Variants in EVI5 observed in about 807,000 individuals in gnomAD.
EVI5 encodes ecotropic viral integration site 5 protein homolog.
EVI5 carries 73 observed loss-of-function variants against 112.0 expected under a neutral mutation model. That is an observed-to-expected ratio of 0.65 (90% confidence interval 0.54 to 0.79). EVI5 has a LOEUF of 0.79. EVI5 is among the 30% of genes least tolerant of loss of function. The pLI is 0.00. For synonymous variants in EVI5, 305 were observed against 319.9 expected (o/e 0.95, Z 0.50); for missense variants, 900 against 968.8 (o/e 0.93, Z 0.94).
intron 1 of EVI5, among the ~76,000 whole-genome samples, chr1:92,779,852 GGA>G (rs1483762089): frequency 6.6e-6 from 1 of 152,166 alleles, no homozygotes; most frequent in Non-Finnish European, 1.5e-5. Context: ...TAGGGTCAGT[GGA>G]GAGGCATGGG....
chr1:92,569,852 CAAAAAAAAAAAAAA>C (rs1184172805), intron 18 of EVI5, among the ~76,000 whole-genome samples: 1 of 39,504 alleles, frequency 2.5e-5, no homozygotes, highest in Non-Finnish European at 4.6e-5. Context: ...GACTCCATCT[CAAAAAAAAAAAAAA>C]AAAAAAAAAA....
At chr1:92,621,003 T>A (rs1354082581) in intron 16 of EVI5, among the ~76,000 whole-genome samples, 1 of 152,038 alleles carries the variant, frequency 6.6e-6, no homozygotes, top group Non-Finnish European at 1.5e-5. Context: ...GTATAGTTAT[T>A]TATTCATTTA....
At chr1:92,753,068 G>A (rs1438375979) in intron 1 of EVI5, among the ~76,000 whole-genome samples, 1 of 151,068 alleles carries the variant, frequency 6.6e-6, no homozygotes, top group Non-Finnish European at 1.5e-5. Context: ...CCTTTCTGAG[G>A]AGGCAACGTT....
chr1:92,752,277 C>A (rs1291050530), intron 1 of EVI5, among the ~76,000 whole-genome samples: 1 of 152,012 alleles, frequency 6.6e-6, no homozygotes, highest in Non-Finnish European at 1.5e-5. Context: ...TGGGTTCAAG[C>A]AATTCTCCTG....
intron 1 of EVI5, among the ~76,000 whole-genome samples, chr1:92,778,749 A>T (rs1178446779): frequency 6.6e-6 from 1 of 152,232 alleles, no homozygotes; most frequent in Admixed American, 6.5e-5. Flanking sequence ...TAGAAATCAG[A>T]ATAGTGGTCA....
intron 19 of EVI5, among the ~76,000 whole-genome samples, chr1:92,529,316 T>C (rs1662450308): frequency 6.6e-6 from 1 of 152,130 alleles, no homozygotes; most frequent in Non-Finnish European, 1.5e-5. Flanking sequence ...ACTTTGATAC[T>C]GTATGCATTT....
At chr1:92,529,994 A>G (rs1662586065) in intron 19 of EVI5, among the ~76,000 whole-genome samples, 1 of 152,212 alleles carries the variant, frequency 6.6e-6, no homozygotes, top group Non-Finnish European at 1.5e-5. Flanking sequence ...ATTTGACATT[A>G]GAGCTAAATA....
chr1:92,565,948 CAAAA>C lies in EVI5; in HGVS notation c.2071-2215_2071-2212del, dbSNP rs71586755. On this transcript the variant is annotated intron_variant, in intron 18 of 19. Transcript: ENST00000684568. ...TTGCGCCACTGCATTCCAGCCCGAG[CAAAA>C]AAAAAAAAAAAAAAAAGAAATGTTC... is the stretch of plus-strand genomic sequence containing the variant. Among the ~76,000 whole-genome samples, 10 of 51,874 alleles carry C rather than the reference CAAAA, an allele frequency of 1.9e-4. No homozygotes were observed. In the South Asian group the frequency reaches 4.9e-3, roughly 25 times the overall value. The allele number at this position is 51,874 out of a possible 152,430, so 34.0% of individuals were successfully genotyped here. A position where few individuals can be genotyped will look rare whatever the true frequency, so the allele number is the denominator to read the frequency against.
chr1:92,592,109 A>G (rs1316597985), intron 18 of EVI5, among the ~76,000 whole-genome samples: 1 of 152,162 alleles, frequency 6.6e-6, no homozygotes, highest in Admixed American at 6.5e-5. Context: ...CGGGCGTGGT[A>G]GCAGGTGCCT....
intron 18 of EVI5, among the ~76,000 whole-genome samples, chr1:92,568,379 A>C (rs1441586525): frequency 6.6e-6 from 1 of 151,882 alleles, no homozygotes; most frequent in Non-Finnish European, 1.5e-5. Flanking sequence ...ATCTTAAAAA[A>C]AAAAAAAAAG....
At chr1:92,578,626 G>C (rs1052231827) in intron 18 of EVI5, among the ~76,000 whole-genome samples, 1 of 151,866 alleles carries the variant, frequency 6.6e-6, no homozygotes, top group Non-Finnish European at 1.5e-5. Context: ...GCTGAGGCAG[G>C]AGAATGGCGT....
intron 2 of EVI5, among the ~76,000 whole-genome samples, chr1:92,719,775 C>T (rs896717301): frequency 3.3e-5 from 5 of 151,994 alleles, no homozygotes; most frequent in South Asian, 2.1e-4. Context: ...TTGCAGATGA[C>T]GTGATTGTAT....
intron 1 of EVI5, among the ~76,000 whole-genome samples, chr1:92,757,826 C>T (rs1056149432): frequency 9.3e-5 from 14 of 149,880 alleles, no homozygotes; most frequent in Admixed American, 1.3e-4. Flanking sequence ...CACTTGAACC[C>T]GGGAGGCAGA....
chr1:92,654,026 C>G (rs1463798088), intron 13 of EVI5, among the ~76,000 whole-genome samples: 1 of 151,968 alleles, frequency 6.6e-6, no homozygotes, highest in Non-Finnish European at 1.5e-5. Context: ...GCCACCCCCA[C>G]TCAGGTCTTC....
chr1:92,707,106 G>T (rs1672108228), intron 2 of EVI5, among the ~76,000 whole-genome samples: 1 of 151,056 alleles, frequency 6.6e-6, no homozygotes, highest in Admixed American at 6.6e-5. Context: ...TTGAACCTGG[G>T]AGGCGGAGGT....
intron 14 of EVI5, among the ~76,000 whole-genome samples, chr1:92,627,902 C>A (rs1557935702): frequency 6.6e-6 from 1 of 152,080 alleles, no homozygotes; most frequent in Non-Finnish European, 1.5e-5. Context: ...CAATTCTCTG[C>A]CTCAGCCTCC....
intron 13 of EVI5, among the ~76,000 whole-genome samples, chr1:92,638,761 T>C (rs1162547627): frequency 6.6e-6 from 1 of 152,150 alleles, no homozygotes; most frequent in Non-Finnish European, 1.5e-5. Context: ...CAGCAGTTGA[T>C]AGTGCTATTA....
chr1:92,787,791 G>A (rs945364859), upstream of EVI5, among the ~76,000 whole-genome samples: 1 of 151,932 alleles, frequency 6.6e-6, no homozygotes, highest in Non-Finnish European at 1.5e-5. Flanking sequence ...TGACTGGTGG[G>A]TACCAGTGGG....
At chr1:92,562,503 C>T (rs1314918772) in intron 19 of EVI5, among the ~76,000 whole-genome samples, 1 of 152,018 alleles carries the variant, frequency 6.6e-6, no homozygotes, top group Non-Finnish European at 1.5e-5. Flanking sequence ...GCACTCCAGC[C>T]TGGCCGACAG....
Sources: allele counts gnomAD v4.1 joint callset (sites outside exome capture counted in the v4.1 genomes callset), GRCh38; gene constraint gnomAD v4.1.1; transcripts MANE v1.5; gene names NCBI Gene and HGNC (gene_info 2026-07-23, HGNC 2026-07-21).